Variants in PALLD observed in about 807,000 individuals in gnomAD.
PALLD encodes palladin, cytoskeletal associated protein.
Under a neutral mutation model 123.5 loss-of-function variants are expected in PALLD, and 61 were observed. That is an observed-to-expected ratio of 0.49 (90% confidence interval 0.40 to 0.61). The LOEUF is 0.61. Ranked by LOEUF, PALLD falls within the 20% of genes least tolerant of loss-of-function variation. The pLI is 0.00. For missense variants in PALLD, 1,273 were observed against 1,377.0 expected, an observed-to-expected ratio of 0.92 and a Z score of 1.20; for synonymous variants, 465 against 496.4, an observed-to-expected ratio of 0.94 and a Z score of 0.84.
At position 168,554,787 on chromosome 4, in the gene PALLD, AAAAT is replaced by A. The variant is rs569407977; in HGVS notation, c.908+42382_908+42385del. ...CCAGAATTTAATTCTAGAGCCCTCCAAAATAAATAATCAGCTTTCAGGTTATCTC... is the reference window on the plus strand; with the variant it reads ...CCAGAATTTAATTCTAGAGCCCTCCAAAATAATCAGCTTTCAGGTTATCTC... On this transcript the variant is annotated intron_variant, in intron 2 of 21. Transcript: ENST00000505667. Among the ~76,000 whole-genome samples, 242 of 152,302 alleles carry A rather than the reference AAAAT, an allele frequency of 1.6e-3. 2 individuals carry two copies. Among genetic ancestry groups the A allele is most frequent in the Non-Finnish European group, 4.9e-4 (33 of 68,012 alleles).
intron 2 of PALLD, among the ~76,000 whole-genome samples, chr4:168,614,265 T>A (rs1016856500): frequency 6.6e-6 from 1 of 152,226 alleles, no homozygotes; most frequent in Non-Finnish European, 1.5e-5. Context: ...GTGGACTCTG[T>A]CACTCATATT....
chr4:168,718,908 A>AT (rs55772255), intron 10 of PALLD, among the ~76,000 whole-genome samples: 61,081 of 139,988 alleles, frequency 0.44, 13,435 homozygotes, highest in East Asian at 0.57. Flanking sequence ...TGCCAATCTA[A>AT]TTTTTTTTTT....
chr4:168,748,635 G>A (rs544239151), intron 10 of PALLD, among the ~76,000 whole-genome samples: 1 of 152,300 alleles, frequency 6.6e-6, no homozygotes, highest in East Asian at 1.9e-4. Flanking sequence ...TGCAATCAAG[G>A]TGTCACTCAG....
At chr4:168,623,127 T>C (rs1774920283) in intron 2 of PALLD, among the ~76,000 whole-genome samples, 2 of 152,176 alleles carry the variant, frequency 1.3e-5, no homozygotes, top group South Asian at 2.1e-4. Context: ...TAAGATACCA[T>C]GAGAAAATAC....
chr4:168,608,479 A>G (rs754489773), intron 2 of PALLD, among the ~76,000 whole-genome samples: 2 of 152,182 alleles, frequency 1.3e-5, no homozygotes, highest in Non-Finnish European at 2.9e-5. Context: ...TCCATATCCA[A>G]AATTCTTGCA....
At chr4:168,920,251 G>C (rs1761177901) in intron 17 of PALLD, among the ~76,000 whole-genome samples, 3 of 152,186 alleles carry the variant, frequency 2.0e-5, no homozygotes, top group Admixed American at 2.0e-4. Flanking sequence ...AAGCCAAGCT[G>C]CCTAACTACT....
intron 10 of PALLD, among the ~76,000 whole-genome samples, chr4:168,767,640 C>T (rs200374893): frequency 1.3e-5 from 2 of 151,686 alleles, no homozygotes; most frequent in African/African-American, 2.4e-5. Flanking sequence ...CTCCGCCTCC[C>T]GGGTTCAAGC....
At position 168,694,859 on chromosome 4, in the gene PALLD, G is replaced by A. The variant is rs548947696; in HGVS notation, c.1501+3567G>A. 5.9e-5 allele frequency among the ~76,000 whole-genome samples: 9 copies of A among 152,256 alleles called. No individual in the cohort carries two copies. In the South Asian group the frequency reaches 8.3e-4, roughly 14 times the overall value. On this transcript the variant is annotated intron_variant, in intron 8 of 21. Transcript: ENST00000505667. ...GTCAGCTTACTTAAGACCAACATCC[G>A]TTTGTCATAGTACCTTCTCTGGCCT...
chr4:168,585,970 G>A lies in PALLD; in HGVS notation c.908+73558G>A, dbSNP rs375314230. ...TCTTTCCCTCAAACCAAATACAGTC[G>A]TATTGTTTACTATTATAGGTCTATT... On this transcript the variant is annotated intron_variant, in intron 2 of 21. Coordinates refer to ENST00000505667, the MANE Select transcript of PALLD (RefSeq NM_001166108.2). Among the ~76,000 whole-genome samples, 314 of 152,042 alleles carry A rather than the reference G, an allele frequency of 2.1e-3. 1 individual carries two copies. Among genetic ancestry groups the A allele is most frequent in the African/African-American group, 6.4e-3 (267 of 41,458 alleles).
At chr4:168,679,373 T>TG (rs1223504993) in intron 3 of PALLD, among the ~76,000 whole-genome samples, 6 of 98,596 alleles carry the variant, frequency 6.1e-5, no homozygotes, top group African/African-American at 2.2e-4. Flanking sequence ...TGGATGTGTG[T>TG]GGGTGTGTGT....
chr4:168,626,537 C>T (rs112398677), intron 2 of PALLD, among the ~76,000 whole-genome samples: 2,561 of 151,860 alleles, frequency 0.017, 35 homozygotes, highest in Middle Eastern at 0.044. Context: ...TGGCGAAACC[C>T]ATGCCTCTAT....
chr4:168,870,201 T>A (rs946475674), intron 10 of PALLD, among the ~76,000 whole-genome samples: 1 of 152,210 alleles, frequency 6.6e-6, no homozygotes, highest in Non-Finnish European at 1.5e-5. Context: ...CTGAAATAGT[T>A]TCCATGTTTC....
intron 10 of PALLD, among the ~76,000 whole-genome samples, chr4:168,853,046 G>A (rs1010921730): frequency 6.6e-6 from 1 of 152,088 alleles, no homozygotes; most frequent in Non-Finnish European, 1.5e-5. Flanking sequence ...TAGCCATTTA[G>A]GAAAAACAGA....
chr4:168,631,674 G>C (rs1580672314), intron 2 of PALLD: 1 of 985,350 alleles, frequency 1.0e-6, no homozygotes, highest in Non-Finnish European at 1.2e-6. Context: ...CCGCTGCGCC[G>C]CCAGGAGGCT....
intron 1 of PALLD, among the ~76,000 whole-genome samples, chr4:168,498,060 T>A (rs1760938559): frequency 6.6e-6 from 1 of 152,230 alleles, no homozygotes; most frequent in Non-Finnish European, 1.5e-5. Flanking sequence ...CCTCATTTCA[T>A]GATAAATGTG....
At chr4:168,737,048 A>G (rs1309539807) in intron 10 of PALLD, among the ~76,000 whole-genome samples, 6 of 152,230 alleles carry the variant, frequency 3.9e-5, no homozygotes, top group Admixed American at 1.3e-4. Context: ...CACAATTGGA[A>G]TATGCAAATT....
chr4:168,742,050 TCCA>T (rs1788401940), intron 10 of PALLD, among the ~76,000 whole-genome samples: 1 of 152,226 alleles, frequency 6.6e-6, no homozygotes, highest in African/African-American at 2.4e-5. Context: ...AGCTGGCAGA[TCCA>T]CCACCTGTGC....
chr4:168,735,322 T>C (rs2150324058), intron 10 of PALLD, among the ~76,000 whole-genome samples: 1 of 151,976 alleles, frequency 6.6e-6, no homozygotes, highest in Middle Eastern at 3.4e-3. Flanking sequence ...ATTCAGTATA[T>C]CCCCCAAACA....
intron 9 of PALLD, among the ~76,000 whole-genome samples, chr4:168,709,908 T>A (rs962683424): frequency 6.6e-6 from 1 of 152,102 alleles, no homozygotes; most frequent in Admixed American, 6.5e-5. Flanking sequence ...CCCGCTAACC[T>A]AGAATCATAT....
Sources: gnomAD v4.1 joint callset for allele counts (sites outside exome capture counted in the v4.1 genomes callset) on GRCh38, gnomAD v4.1.1 for gene constraint, MANE v1.5 for transcripts, NCBI Gene and HGNC (gene_info 2026-07-23, HGNC 2026-07-21) for gene names.